Variants in LTBP1 observed in about 807,000 individuals in gnomAD.
The protein encoded by LTBP1 is latent transforming growth factor beta binding protein 1, also known as latent-transforming growth factor beta-binding protein 1.
Under a neutral mutation model 207.6 loss-of-function variants are expected in LTBP1, and 129 were observed. The ratio of observed to expected loss-of-function variants is 0.62; its 90% CI spans 0.54 to 0.72. The LOEUF is 0.72. Ranked by LOEUF, LTBP1 falls within the 30% of genes least tolerant of loss-of-function variation. The pLI is 0.00. For missense variants in LTBP1, 2,281 were observed against 2,217.2 expected (o/e 1.03, Z -0.58); for synonymous variants, 963 against 833.7 (o/e 1.16, Z -2.67).
At chr2:33,254,956 T>C (rs1212359100) in intron 11 of LTBP1, among the ~76,000 whole-genome samples, 1 of 144,820 alleles carries the variant, frequency 6.9e-6, no homozygotes, top group African/African-American at 2.6e-5. Flanking sequence ...CTTTAAGTTT[T>C]AGGGTACATG....
chr2:33,091,261 T>TA (rs2079073948), intron 3 of LTBP1, among the ~76,000 whole-genome samples: 1 of 152,206 alleles, frequency 6.6e-6, no homozygotes, highest in Non-Finnish European at 1.5e-5. Context: ...ATATTTCTGG[T>TA]AGCCTCTGGT....
At chr2:33,104,625 C>T (rs1475430210) in intron 3 of LTBP1, among the ~76,000 whole-genome samples, 2 of 152,166 alleles carry the variant, frequency 1.3e-5, no homozygotes, top group East Asian at 3.8e-4. Flanking sequence ...TTTTTGGCCT[C>T]CTATATTCTC....
At chr2:33,368,794 T>G (rs2095031729) in intron 31 of LTBP1, among the ~76,000 whole-genome samples, 1 of 152,150 alleles carries the variant, frequency 6.6e-6, no homozygotes, top group Non-Finnish European at 1.5e-5. Flanking sequence ...GGAGGATGGC[T>G]TCAGCCCGGG....
At chr2:33,300,263 A>G (rs781217430) in intron 20 of LTBP1, among the ~76,000 whole-genome samples, 188 bp from the exon 21 acceptor site, 7 of 152,148 alleles carry the variant, frequency 4.6e-5, no homozygotes, top group East Asian at 1.9e-4. Context: ...AGTTATTTCT[A>G]TTCTATAGAT....
chr2:33,197,920 A>T (rs1283384711), intron 7 of LTBP1, among the ~76,000 whole-genome samples: 2 of 152,186 alleles, frequency 1.3e-5, no homozygotes, highest in Non-Finnish European at 2.9e-5. Context: ...CTGTTTCAAG[A>T]TGCTGAAAGA....
chr2:33,181,524 A>G (rs1292131310), intron 5 of LTBP1, among the ~76,000 whole-genome samples: 1 of 152,202 alleles, frequency 6.6e-6, no homozygotes, highest in Non-Finnish European at 1.5e-5. Context: ...AGATACTTTG[A>G]GTGACCGTCA....
rs191257493 is a variant in LTBP1 at position 33,358,994 on chromosome 2, C to A, written c.4001-1603C>A. Among the ~76,000 whole-genome samples, 16 of 152,270 alleles carry A rather than the reference C, an allele frequency of 1.1e-4. No individual in the cohort carries two copies. The East Asian group carries it at 3.1e-3, about 29-fold the overall frequency. On this transcript the variant is annotated intron_variant, in intron 26 of 33. Transcript: ENST00000404816. ...AAGCTAGACCAGATGAGGGAAGTGGCAGGTTTTACCCAATTTCACACACAA... is the reference window on the plus strand; with the variant it reads ...AAGCTAGACCAGATGAGGGAAGTGGAAGGTTTTACCCAATTTCACACACAA...
chr2:33,233,671 G>A (rs184574447), intron 9 of LTBP1, among the ~76,000 whole-genome samples: 159 of 152,132 alleles, frequency 1.0e-3, no homozygotes, highest in African/African-American at 3.8e-3. Context: ...GGGGCCGTTG[G>A]TCTAGAGCTA....
At chr2:33,222,934 T>C (rs1459182431) in intron 9 of LTBP1, among the ~76,000 whole-genome samples, 1 of 152,204 alleles carries the variant, frequency 6.6e-6, no homozygotes, top group Non-Finnish European at 1.5e-5. Flanking sequence ...AAGATGTTGT[T>C]ATTAGTAACT....
At chr2:32,952,948 T>C (rs776217798) in intron 2 of LTBP1, among the ~76,000 whole-genome samples, 2 of 152,226 alleles carry the variant, frequency 1.3e-5, no homozygotes, top group Admixed American at 1.3e-4. Flanking sequence ...ATTTACTGTT[T>C]AGCTTTTACC....
intron 7 of LTBP1, among the ~76,000 whole-genome samples, chr2:33,205,547 G>T (rs1465969045): frequency 2.6e-5 from 4 of 152,168 alleles, no homozygotes; most frequent in Admixed American, 2.6e-4. Flanking sequence ...GGTTGATAGT[G>T]GTTCCATCAT....
At chr2:33,189,059 G>A (rs573450838) in intron 7 of LTBP1, among the ~76,000 whole-genome samples, 4 of 152,248 alleles carry the variant, frequency 2.6e-5, no homozygotes, top group Admixed American at 6.5e-5. Context: ...ATTTTCATGC[G>A]ATGACTGCAG....
chr2:33,290,162 A>G (rs1438898665), intron 19 of LTBP1, among the ~76,000 whole-genome samples: 1 of 152,206 alleles, frequency 6.6e-6, no homozygotes, highest in Non-Finnish European at 1.5e-5. Context: ...TCTCTTGGGA[A>G]CAATTTCATT....
At chr2:32,949,775 G>A (rs560797292) in intron 2 of LTBP1, among the ~76,000 whole-genome samples, 2 of 152,298 alleles carry the variant, frequency 1.3e-5, no homozygotes, top group East Asian at 3.9e-4. Flanking sequence ...CAAAATTTCT[G>A]CTGCTTGGAT....
intron 4 of LTBP1, among the ~76,000 whole-genome samples, chr2:33,133,032 A>G (rs2081910922): frequency 6.6e-6 from 1 of 152,098 alleles, no homozygotes; most frequent in Non-Finnish European, 1.5e-5. Context: ...TTTGTGGGTA[A>G]TGAGCTGCCC....
intron 2 of LTBP1, among the ~76,000 whole-genome samples, chr2:32,969,619 G>A (rs150177686): frequency 6.6e-6 from 1 of 152,176 alleles, no homozygotes; most frequent in Non-Finnish European, 1.5e-5. Flanking sequence ...CTTTTTTAAG[G>A]CTGTGTAATA....
intron 19 of LTBP1, among the ~76,000 whole-genome samples, chr2:33,290,554 G>C (rs906985083): frequency 6.6e-6 from 1 of 152,198 alleles, no homozygotes; most frequent in African/African-American, 2.4e-5. Context: ...TAATGGATTA[G>C]AGAAGCCAAG....
chr2:33,328,643 C>T (rs978756353), intron 24 of LTBP1, among the ~76,000 whole-genome samples: 13 of 152,188 alleles, frequency 8.5e-5, no homozygotes, highest in Non-Finnish European at 1.9e-4. Flanking sequence ...GGAGAAACCG[C>T]TCCCATGATC....
At chr2:33,289,530 A>T (rs1558954092) in intron 19 of LTBP1, among the ~76,000 whole-genome samples, 1 of 151,396 alleles carries the variant, frequency 6.6e-6, no homozygotes, top group Non-Finnish European at 1.5e-5. Context: ...CAGCTAATTT[A>T]AAAAAAAAAT....
Sources: gnomAD v4.1 joint callset for allele counts (sites outside exome capture counted in the v4.1 genomes callset) on GRCh38, gnomAD v4.1.1 for gene constraint, MANE v1.5 for transcripts, NCBI Gene and HGNC (gene_info 2026-07-23, HGNC 2026-07-21) for gene names.